The following SPRR2B variants were observed in gnomAD, a reference collection of about 807,000 sequenced individuals.
The protein encoded by SPRR2B is small proline rich protein 2B.
SPRR2B carries 1 observed loss-of-function variant against 1.0 expected under a neutral mutation model. The ratio of observed to expected loss-of-function variants is 1.01; its 90% confidence interval spans 0.36 to 4.77. The LOEUF (loss-of-function observed/expected upper bound fraction) is 4.77. Among genes scored for constraint, SPRR2B ranks in the 30% most tolerant of loss-of-function variants. SPRR2B has a pLI of 0.16. For synonymous variants in SPRR2B, 27 were observed against 33.4 expected, an observed-to-expected ratio of 0.81 and a Z score of 0.66; for missense variants, 53 against 88.7, an observed-to-expected ratio of 0.60 and a Z score of 1.62.
At chr1:153,075,764 C>T (rs1179434442), upstream of SPRR2B, among the ~76,000 whole-genome samples, 5 of 152,136 alleles carry the variant, frequency 3.3e-5, no homozygotes, top group South Asian at 1.0e-3. Flanking sequence ...TCACCATTAT[C>T]TTAAGTGTGT....
rs1654629125 is a variant in SPRR2B, at chr1:153,070,424, T to G, written c.*197A>C. The G allele has an allele frequency of 9.2e-7, 1 of 1,086,132 alleles. No individual in the cohort carries two copies. 67.3% of individuals were successfully genotyped at this position (1,086,132 alleles called of 1,614,324 possible). A position where few individuals can be genotyped will look rare whatever the true frequency, so the allele number is the denominator to read the frequency against. The stretch of plus-strand genomic sequence containing the variant: ...AAGGTTCCTTTGCTCAGTCTCCACC[T>G]GGACAGTGGCAGTATGGCAGCCTTA... On this transcript the variant is annotated 3_prime_UTR_variant, in exon 2 of 2. Transcript: ENST00000368755.
At chr1:153,085,634 C>G in the SPRR2B span, among the ~76,000 whole-genome samples, 1 of 152,138 alleles carries the variant, frequency 6.6e-6, no homozygotes, top group African/African-American at 2.4e-5. Flanking sequence ...TGAGATCTTC[C>G]CCAGCCCAGC....
At chr1:153,073,974 G>A (rs377242895), upstream of SPRR2B, among the ~76,000 whole-genome samples, 11 of 152,250 alleles carry the variant, frequency 7.2e-5, no homozygotes, top group African/African-American at 2.6e-4. Context: ...GTGCGTGTGT[G>A]TGTTCATAAT....
At chr1:153,073,608 T>C (rs564509140), upstream of SPRR2B, among the ~76,000 whole-genome samples, 4 of 151,154 alleles carry the variant, frequency 2.6e-5, no homozygotes, top group Admixed American at 6.6e-5. Context: ...ACATGAAGAG[T>C]GGTCATAACA....
upstream of SPRR2B, among the ~76,000 whole-genome samples, chr1:153,073,975 T>A (rs1397138058): frequency 6.6e-6 from 1 of 152,212 alleles, no homozygotes; most frequent in Non-Finnish European, 1.5e-5. Flanking sequence ...TGCGTGTGTG[T>A]GTTCATAATG....
the SPRR2B span, among the ~76,000 whole-genome samples, chr1:153,084,705 G>C: frequency 1.3e-5 from 2 of 152,090 alleles, no homozygotes; most frequent in Admixed American, 1.3e-4. Context: ...TGCTGCCACT[G>C]CTCTTGACAC....
the SPRR2B span, among the ~76,000 whole-genome samples, chr1:153,084,332 T>G: frequency 6.6e-6 from 1 of 151,866 alleles, no homozygotes; most frequent in Non-Finnish European, 1.5e-5. Context: ...GTCAGCTTCC[T>G]TCTCCCTGGT....
the SPRR2B span, among the ~76,000 whole-genome samples, chr1:153,079,443 C>A: frequency 2.0e-5 from 3 of 152,088 alleles, no homozygotes; most frequent in Non-Finnish European, 4.4e-5. Flanking sequence ...CTTGCCCATG[C>A]CTATGTACTG....
the SPRR2B span, among the ~76,000 whole-genome samples, chr1:153,078,370 T>G: frequency 6.6e-6 from 1 of 152,068 alleles, no homozygotes; most frequent in Non-Finnish European, 1.5e-5. Context: ...TACTTTCTGT[T>G]TTTTTATTAT....
chr1:153,086,417 C>A, the SPRR2B span, among the ~76,000 whole-genome samples: 23 of 151,860 alleles, frequency 1.5e-4, no homozygotes, highest in Admixed American at 1.1e-3. Flanking sequence ...AGCAAACGTC[C>A]AAAAAAAGAC....
chr1:153,084,847 G>A, the SPRR2B span, among the ~76,000 whole-genome samples: 4 of 152,116 alleles, frequency 2.6e-5, no homozygotes, highest in Non-Finnish European at 2.9e-5. Flanking sequence ...TAACCCGGGG[G>A]AGCCAAAGAA....
upstream of SPRR2B, among the ~76,000 whole-genome samples, chr1:153,072,252 C>A (rs1022826754): frequency 6.6e-6 from 1 of 152,172 alleles, no homozygotes; most frequent in Non-Finnish European, 1.5e-5. Flanking sequence ...GTCTTACACA[C>A]CTCTTATAGA....
chr1:153,074,038 A>C (rs368076), upstream of SPRR2B, among the ~76,000 whole-genome samples: 86,077 of 151,970 alleles, frequency 0.57, 25,182 homozygotes, highest in African/African-American at 0.72. Flanking sequence ...AGTCAAGATA[A>C]ATAACTGTTC....
chr1:153,084,874 A>C, the SPRR2B span, among the ~76,000 whole-genome samples: 1 of 152,238 alleles, frequency 6.6e-6, no homozygotes, highest in African/African-American at 2.4e-5. Flanking sequence ...CAAGCCTGAC[A>C]CACTTCCCTC....
At chr1:153,074,342 A>G (rs1654733929), upstream of SPRR2B, among the ~76,000 whole-genome samples, 1 of 152,258 alleles carries the variant, frequency 6.6e-6, no homozygotes, top group African/African-American at 2.4e-5. Context: ...TGGCAAATAA[A>G]GATTTAAAAT....
At chr1:153,074,388 A>T (rs1654734585), upstream of SPRR2B, among the ~76,000 whole-genome samples, 1 of 152,250 alleles carries the variant, frequency 6.6e-6, no homozygotes. Flanking sequence ...AATTATGGTA[A>T]AATATTCTTG....
chr1:153,072,721 C>T (rs954435013), upstream of SPRR2B, among the ~76,000 whole-genome samples: 12 of 152,128 alleles, frequency 7.9e-5, no homozygotes, highest in Admixed American at 6.5e-4. Context: ...GCCCTCTAGC[C>T]CCACAACCTG....
At chr1:153,077,553 G>A in the SPRR2B span, among the ~76,000 whole-genome samples, 22 of 151,278 alleles carry the variant, frequency 1.5e-4, no homozygotes, top group African/African-American at 4.8e-4. Flanking sequence ...ACGATGTATA[G>A]AGATGTAATT....
chr1:153,086,872 A>G, the SPRR2B span, among the ~76,000 whole-genome samples: 1 of 152,222 alleles, frequency 6.6e-6, no homozygotes, highest in Non-Finnish European at 1.5e-5. Context: ...AAATAATAAC[A>G]ACCAATTTCT....
Sources: allele counts gnomAD v4.1 joint callset (sites outside exome capture counted in the v4.1 genomes callset), GRCh38; gene constraint gnomAD v4.1.1; transcripts MANE v1.5; gene names NCBI Gene and HGNC (gene_info 2026-07-23, HGNC 2026-07-21).